The following RXRA variants were observed in gnomAD, a reference collection of about 807,000 sequenced individuals.
RXRA encodes retinoic acid receptor RXR-alpha.
RXRA carries 5 observed loss-of-function variants against 44.5 expected under a neutral mutation model. That is an observed-to-expected ratio of 0.11 (90% CI 0.06 to 0.24). RXRA has a LOEUF of 0.24. Ranked by LOEUF, RXRA falls within the 10% of genes least tolerant of loss-of-function variation. RXRA has a pLI of 1.00. For missense variants in RXRA, 412 were observed against 646.5 expected (o/e 0.64, Z 3.93); for synonymous variants, 291 against 271.4 (o/e 1.07, Z -0.71).
At chr9:134,425,753 C>T in intron 6 of RXRA, 1 of 985,378 alleles carries the variant, frequency 1.0e-6, no homozygotes, top group Non-Finnish European at 1.2e-6. Flanking sequence ...GGGCTCTTGT[C>T]ACTGCCGCCC....
At chr9:134,354,143 C>T (rs1238811370) in intron 1 of RXRA, among the ~76,000 whole-genome samples, 1 of 152,160 alleles carries the variant, frequency 6.6e-6, no homozygotes, top group Non-Finnish European at 1.5e-5. Context: ...GGATGGGGTG[C>T]CTGGGTCCCA....
At chr9:134,330,528 T>C (rs1474611846) in intron 1 of RXRA, among the ~76,000 whole-genome samples, 1 of 152,120 alleles carries the variant, frequency 6.6e-6, no homozygotes, top group African/African-American at 2.4e-5. Flanking sequence ...GGTAGAGGGG[T>C]CACCCTCCTC....
At chr9:134,333,233 C>G (rs1340704263) in intron 1 of RXRA, among the ~76,000 whole-genome samples, 1 of 152,180 alleles carries the variant, frequency 6.6e-6, no homozygotes, top group Admixed American at 6.5e-5. Context: ...CTGTCCTGCA[C>G]AGCCCACATC....
At position 134,408,306 on chromosome 9, in the gene RXRA, C is replaced by A. The variant is rs376350981; in HGVS notation, c.430+7C>A. 1.9e-6 allele frequency: 3 copies of A among 1,596,404 alleles called. No homozygotes were observed. The South Asian group carries it at 3.4e-5, about 18-fold the overall frequency. On this transcript the variant is annotated splice_region_variant and intron_variant, in intron 3 of 9. Coordinates refer to ENST00000481739, the MANE Select transcript of RXRA (RefSeq NM_002957.6). ...TGCGGGGACCGCTCCTCAGGTACCGCTGCTGTGGGGGCCAGGGGCTGGTGG... is the reference window on the plus strand; with the variant it reads ...TGCGGGGACCGCTCCTCAGGTACCGATGCTGTGGGGGCCAGGGGCTGGTGG...
chr9:134,427,820 C>G (rs534594805), intron 6 of RXRA, among the ~76,000 whole-genome samples: 82 of 152,346 alleles, frequency 5.4e-4, no homozygotes, highest in South Asian at 6.2e-4. Flanking sequence ...GCCAGTTTTC[C>G]AGGATTACAG....
Position 134,387,721 on chromosome 9 carries a change from C to G in RXRA, c.29-13911C>G, listed in dbSNP as rs150189323. Among the ~76,000 whole-genome samples, 397 of 152,346 alleles carry G rather than the reference C, an allele frequency of 2.6e-3. 2 individuals carry two copies. Among genetic ancestry groups the G allele is most frequent in the Non-Finnish European group, 4.7e-3 (320 of 68,038 alleles). On this transcript the variant is annotated intron_variant, in intron 1 of 9. Coordinates refer to ENST00000481739, the MANE Select transcript of RXRA (RefSeq NM_002957.6). ...GTGCTGTCAGTAAGCAGCAGGCGTG[C>G]GGCGTGCCTGCCTCGCACACTTGTC...
At chr9:134,402,128 A>G in intron 2 of RXRA, 1 of 545,992 alleles carries the variant, frequency 1.8e-6, no homozygotes, top group Non-Finnish European at 3.2e-6. Flanking sequence ...TTATCTGCCC[A>G]CGTGGCCCCT....
chr9:134,426,534 T>G lies in RXRA; in HGVS notation c.911-2574T>G. On this transcript the variant is annotated intron_variant, in intron 6 of 9. Transcript: ENST00000481739. This position sits in a 1 kb window ranked among gnomAD's most constrained non-coding sequence, Gnocchi z 4.6. ...CAGAGAGAGACTCCGCACTGTTCTG[T>G]CCGTGTGTCTGGGCTCCTGACCTGT... is the stretch of plus-strand genomic sequence containing the variant. The G allele has an allele frequency of 1.0e-6, 1 of 985,450 alleles. No homozygotes were observed. The highest frequency in any genetic ancestry group is 1.2e-6 in the Non-Finnish European group (1 of 829,930). 61.0% of individuals were successfully genotyped at this position (985,450 alleles called of 1,614,324 possible).
intron 1 of RXRA, among the ~76,000 whole-genome samples, chr9:134,388,610 C>G (rs1588280860): frequency 6.6e-6 from 1 of 152,160 alleles, no homozygotes; most frequent in Non-Finnish European, 1.5e-5. Flanking sequence ...GAAGCTGAGT[C>G]AAAGACCCTG....
intron 1 of RXRA, 79 bp downstream of exon 1, chr9:134,326,738 G>C (rs1450728551): frequency 3.7e-6 from 1 of 267,818 alleles, no homozygotes; most frequent in Non-Finnish European, 5.6e-6. Context: ...GGGCGCGTTG[G>C]CGGCGCGCGC....
At chr9:134,346,939 C>T (rs1350022797) in intron 1 of RXRA, among the ~76,000 whole-genome samples, 2 of 152,152 alleles carry the variant, frequency 1.3e-5, no homozygotes, top group African/African-American at 4.8e-5. Context: ...TGGTGGGGGG[C>T]AGCTTGAGAG....
In RXRA at chr9:134,366,159, C is replaced by T. The variant is rs1197547628; in HGVS notation, c.29-35473C>T. ...GCCAAGGCTCAGAGGCACCAGGGCC[C>T]CAGTGGGAGGCGGCAGAGCCTCTGG... On this transcript the variant is annotated intron_variant, in intron 1 of 9. Coordinates refer to ENST00000481739, the MANE Select transcript of RXRA (RefSeq NM_002957.6). This position sits in a 1 kb window ranked among gnomAD's most constrained non-coding sequence, Gnocchi z 5.9. Among the ~76,000 whole-genome samples the T allele has an allele frequency of 6.6e-6, 1 of 152,106 alleles. No individual in the cohort carries two copies. The highest frequency in any genetic ancestry group is 6.5e-5 in the Admixed American group (1 of 15,284).
chr9:134,336,450 G>A (rs1231540812), intron 1 of RXRA, among the ~76,000 whole-genome samples: 1 of 152,184 alleles, frequency 6.6e-6, no homozygotes, highest in Non-Finnish European at 1.5e-5. Flanking sequence ...CTTGGAGCAC[G>A]TTCCTTCTTC....
chr9:134,432,897 G>A (rs1372348754), intron 8 of RXRA, among the ~76,000 whole-genome samples: 1 of 152,194 alleles, frequency 6.6e-6, no homozygotes, highest in African/African-American at 2.4e-5. Context: ...GGGCCACAGG[G>A]AGCCAAGTCC....
intron 1 of RXRA, among the ~76,000 whole-genome samples, chr9:134,383,192 C>A (rs1830671412): frequency 6.6e-6 from 1 of 152,218 alleles, no homozygotes; most frequent in African/African-American, 2.4e-5. Flanking sequence ...GGCCGCTTCA[C>A]CCCAGAGGGC....
chr9:134,385,286 C>G (rs1830702932), intron 1 of RXRA, among the ~76,000 whole-genome samples: 1 of 152,242 alleles, frequency 6.6e-6, no homozygotes, highest in Non-Finnish European at 1.5e-5. Context: ...TGATGGGCCA[C>G]AAAAGGCATT....
In RXRA at chr9:134,340,190, C is replaced by T. The variant is rs530201394; in HGVS notation, c.28+13531C>T. Among the ~76,000 whole-genome samples the T allele has an allele frequency of 9.9e-5, 15 of 152,226 alleles. No homozygotes were observed. In the East Asian group the frequency reaches 1.9e-3, roughly 20 times the overall value. On this transcript the variant is annotated intron_variant, in intron 1 of 9. Transcript: ENST00000481739. The stretch of plus-strand genomic sequence containing the variant: ...CACACCTTCTGATGGCTTGTGCCTG[C>T]GGGTCCAGGTTTGAGACTGGCCACT...
intron 7 of RXRA, among the ~76,000 whole-genome samples, chr9:134,431,016 T>G (rs1831523398): frequency 6.6e-6 from 1 of 152,206 alleles, no homozygotes; most frequent in Non-Finnish European, 1.5e-5. Flanking sequence ...TTCTCCAGCC[T>G]CCTTCAGATC....
chr9:134,393,491 G>GGCC (rs756848427), intron 1 of RXRA, among the ~76,000 whole-genome samples: 1 of 152,210 alleles, frequency 6.6e-6, no homozygotes, highest in Non-Finnish European at 1.5e-5. Flanking sequence ...CCTGGACAGT[G>GGCC]GCCGCCATGG....
Sources: allele counts gnomAD v4.1 joint callset (sites outside exome capture counted in the v4.1 genomes callset), GRCh38; gene constraint gnomAD v4.1.1; non-coding constraint Gnocchi (gnomAD v3.1); transcripts MANE v1.5; gene names NCBI Gene and HGNC (gene_info 2026-07-23, HGNC 2026-07-21).